The following SFMBT2 variants were observed in gnomAD, a reference collection of about 807,000 sequenced individuals.
The protein encoded by SFMBT2 is scm-like with four MBT domains protein 2.
A neutral mutation model predicts 110.1 loss-of-function variants in SFMBT2; 38 were observed. That is an observed-to-expected ratio of 0.35 (90% CI 0.27 to 0.45). The LOEUF (loss-of-function observed/expected upper bound fraction) is 0.45, where lower values mean the gene tolerates loss of function less well. SFMBT2 is among the 20% of genes least tolerant of loss of function. The pLI is 1.00. For synonymous variants in SFMBT2, 425 were observed against 425.4 expected, an observed-to-expected ratio of 1.00 and a Z score of 0.01; for missense variants, 1,011 against 1,094.9, an observed-to-expected ratio of 0.92 and a Z score of 1.08.
At chr10:7,214,247 T>C (rs1417614767) in intron 11 of SFMBT2, among the ~76,000 whole-genome samples, 2 of 152,198 alleles carry the variant, frequency 1.3e-5, no homozygotes, top group East Asian at 1.9e-4. Flanking sequence ...GCCACCACTC[T>C]TAAGAACACA....
In SFMBT2 at chr10:7,408,682, G is replaced by A. The variant is rs1214122283; in HGVS notation, c.-52+2179C>T. On this transcript the variant is annotated intron_variant, in intron 1 of 20. Coordinates refer to ENST00000397167, the MANE Select transcript of SFMBT2 (RefSeq NM_001387889.1). This position sits in a 1 kb window ranked among gnomAD's most constrained non-coding sequence, Gnocchi z 5.7. ...GTCCTGGCCACGGGCGACCCCTGTC[G>A]GGAACCCTGTTCCCGGCTAAGCTGC... is the stretch of plus-strand genomic sequence containing the variant. 4 of 152,188 alleles carry A rather than the reference G, an allele frequency of 2.6e-5. No homozygotes were observed. The highest frequency in any genetic ancestry group is 9.7e-5 in the African/African-American group (4 of 41,440). The allele number at this position is 152,188 out of a possible 1,614,324, so 9.4% of individuals were successfully genotyped here. A position where few individuals can be genotyped will look rare whatever the true frequency, so the allele number is the denominator to read the frequency against.
intron 16 of SFMBT2, among the ~76,000 whole-genome samples, chr10:7,179,445 G>A (rs1043467131): frequency 6.2e-5 from 9 of 144,904 alleles, no homozygotes; most frequent in Admixed American, 4.9e-4. Flanking sequence ...TGGGAACACC[G>A]TATGTTCCTC....
At chr10:7,245,757 C>G (rs770959147) in intron 8 of SFMBT2, among the ~76,000 whole-genome samples, 2 of 152,208 alleles carry the variant, frequency 1.3e-5, no homozygotes, top group Non-Finnish European at 2.9e-5. Flanking sequence ...CACACCCTGG[C>G]TGGACTGCTG....
chr10:7,306,699 TA>T (rs955576716), intron 4 of SFMBT2, among the ~76,000 whole-genome samples: 176 of 109,978 alleles, frequency 1.6e-3, no homozygotes, highest in South Asian at 9.2e-3. Context: ...AAATAGCAAC[TA>T]AAAAAAAAAT....
chr10:7,384,675 G>A (rs745993206), intron 1 of SFMBT2, among the ~76,000 whole-genome samples: 3 of 152,080 alleles, frequency 2.0e-5, no homozygotes, highest in East Asian at 1.9e-4. Flanking sequence ...TGTTGTTAAC[G>A]GAGGACATTG....
At chr10:7,246,148 G>A (rs1123287) in intron 8 of SFMBT2, 79,086 of 982,802 alleles carry the variant, frequency 0.08, 3,546 homozygotes, top group Admixed American at 0.089. Context: ...GAGGAGGGGT[G>A]TATACGAAAC....
At chr10:7,167,944 T>A (rs1650459478) in intron 20 of SFMBT2, among the ~76,000 whole-genome samples, 1 of 152,110 alleles carries the variant, frequency 6.6e-6, no homozygotes, top group South Asian at 2.1e-4. Context: ...GGCGGGTGCC[T>A]GTAATTCCAG....
intron 4 of SFMBT2, among the ~76,000 whole-genome samples, chr10:7,300,884 T>C (rs1448062721): frequency 6.6e-6 from 1 of 152,242 alleles, no homozygotes; most frequent in Non-Finnish European, 1.5e-5. Flanking sequence ...TGTTTGGAAT[T>C]TAGCATTATA....
At chr10:7,303,989 C>T (rs866611158) in intron 4 of SFMBT2, among the ~76,000 whole-genome samples, 6 of 152,078 alleles carry the variant, frequency 3.9e-5, no homozygotes, top group African/African-American at 1.4e-4. Flanking sequence ...AGGTGCTGGC[C>T]GAAAGGCAGG....
At chr10:7,173,700 C>A (rs1448594276) in intron 17 of SFMBT2, among the ~76,000 whole-genome samples, 1 of 152,164 alleles carries the variant, frequency 6.6e-6, no homozygotes, top group African/African-American at 2.4e-5. Context: ...GACCCAGACG[C>A]CTACTCATTA....
intron 1 of SFMBT2, among the ~76,000 whole-genome samples, chr10:7,387,793 AAC>A (rs1343837737): frequency 2.7e-5 from 4 of 149,524 alleles, no homozygotes; most frequent in Non-Finnish European, 6.0e-5. Context: ...AAAAAAAAAA[AAC>A]CAATTAGCTG....
chr10:7,406,107 TAAAA>T (rs1846203588), intron 1 of SFMBT2, among the ~76,000 whole-genome samples: 1 of 151,914 alleles, frequency 6.6e-6, no homozygotes, highest in African/African-American at 2.4e-5. Context: ...TAGGGCAGAG[TAAAA>T]TTTCCTTCTG....
At position 7,212,527 on chromosome 10, in the gene SFMBT2, G is replaced by C. The variant is rs147569745; in HGVS notation, c.1331-6599C>G. 4.7e-4 allele frequency among the ~76,000 whole-genome samples: 71 copies of C among 152,312 alleles called. 1 individual carries two copies. The highest frequency in any genetic ancestry group is 1.0e-3 in the Non-Finnish European group (69 of 68,024). The stretch of plus-strand genomic sequence containing the variant: ...TCAGCTGGAGCACAGGCTCCCGCAG[G>C]TGGCAAATCTTAAAAGAAAAGTGCT... On this transcript the variant is annotated intron_variant, in intron 11 of 20. Coordinates refer to ENST00000397167, the MANE Select transcript of SFMBT2 (RefSeq NM_001387889.1).
intron 4 of SFMBT2, among the ~76,000 whole-genome samples, chr10:7,352,778 G>A (rs1356820149): frequency 3.3e-5 from 5 of 152,128 alleles, no homozygotes; most frequent in African/African-American, 9.7e-5. Context: ...TTGGGAGGCC[G>A]GGGCAGGCAG....
intron 4 of SFMBT2, among the ~76,000 whole-genome samples, chr10:7,332,249 A>G (rs1023774854): frequency 1.3e-5 from 2 of 151,722 alleles, no homozygotes; most frequent in African/African-American, 4.9e-5. Flanking sequence ...TCAGTGGATG[A>G]ACTTCAATAA....
At position 7,205,809 on chromosome 10, in the gene SFMBT2, A is replaced by G; in HGVS notation, c.1444+6T>C. On this transcript the variant is annotated splice_donor_region_variant and intron_variant, in intron 12 of 20. Coordinates refer to ENST00000397167, the MANE Select transcript of SFMBT2 (RefSeq NM_001387889.1). ...ATCCACCCCCCCTCAACTGGGAACC[A>G]CTTACAGACTGTTTTGTGTGGTGCA... is the stretch of plus-strand genomic sequence containing the variant. 1 of 1,612,716 alleles carries G rather than the reference A, an allele frequency of 6.2e-7. No individual in the cohort carries two copies. Among genetic ancestry groups the G allele is most frequent in the South Asian group, 1.1e-5 (1 of 90,828 alleles).
intron 4 of SFMBT2, among the ~76,000 whole-genome samples, chr10:7,350,098 T>C (rs1340175248): frequency 6.6e-6 from 1 of 152,018 alleles, no homozygotes; most frequent in Non-Finnish European, 1.5e-5. Context: ...CTTCTTCCCA[T>C]CGTGTTCGTG....
intron 7 of SFMBT2, among the ~76,000 whole-genome samples, chr10:7,274,239 C>T (rs1841695800): frequency 6.6e-6 from 1 of 152,198 alleles, no homozygotes; most frequent in East Asian, 1.9e-4. Flanking sequence ...GTTATCCCTG[C>T]ACTTTAGGAA....
intron 2 of SFMBT2, among the ~76,000 whole-genome samples, 200 bp from the exon 3 acceptor site, chr10:7,370,575 C>A (rs928969639): frequency 6.6e-6 from 1 of 152,202 alleles, no homozygotes; most frequent in East Asian, 1.9e-4. Context: ...ATGGGACATT[C>A]CGCTTTGACT....
Sources: allele counts gnomAD v4.1 joint callset (sites outside exome capture counted in the v4.1 genomes callset), GRCh38; gene constraint gnomAD v4.1.1; non-coding constraint Gnocchi (gnomAD v3.1); transcripts MANE v1.5; gene names NCBI Gene and HGNC (gene_info 2026-07-23, HGNC 2026-07-21).